NCOA2: variants seen among roughly 807,000 people sequenced by gnomAD.
The protein encoded by NCOA2 is nuclear receptor coactivator 2, also known as class E basic helix-loop-helix protein 75.
In NCOA2, 21 loss-of-function variants were observed where a neutral mutation model predicts 145.1. That is an observed-to-expected ratio of 0.14 (90% CI 0.10 to 0.21). NCOA2 has a LOEUF of 0.21. NCOA2 is among the 10% of genes least tolerant of loss of function. The pLI is 1.00. For synonymous variants in NCOA2, 619 were observed against 637.5 expected (o/e 0.97, Z 0.44); for missense variants, 1,472 against 1,837.6 (o/e 0.80, Z 3.64).
At position 70,156,676 on chromosome 8, in the gene NCOA2, T is replaced by C; in HGVS notation, c.1689A>G (p.Gln563=). ...GAGGATTCATATTAACTGGGGAGTT[T>C]TGCAAATTGCCCATTTTTAGGTCTG... ...ASPDLKMGNL[Q]NSPVNMNPPP... Residue 563 remains glutamine, a synonymous_variant, in exon 11 of 23, where the codon CAA becomes CAG. Coordinates refer to ENST00000452400, the MANE Select transcript of NCOA2 (RefSeq NM_006540.4). 1 of 1,613,986 alleles carries C rather than the reference T, an allele frequency of 6.2e-7. No individual in the cohort carries two copies. Among genetic ancestry groups the C allele is most frequent in the South Asian group, 1.1e-5 (1 of 91,084 alleles).
At chr8:70,124,360 G>GTT (rs562148942) in intron 20 of NCOA2, among the ~76,000 whole-genome samples, 11 of 143,520 alleles carry the variant, frequency 7.7e-5, no homozygotes, top group Non-Finnish European at 1.2e-4. Context: ...CTTTCTTTCT[G>GTT]TTTTTTTTTT....
chr8:70,120,594 G>A (rs1468757506), intron 22 of NCOA2, among the ~76,000 whole-genome samples: 3 of 152,098 alleles, frequency 2.0e-5, no homozygotes, highest in African/African-American at 7.2e-5. Context: ...GGTGGCATGT[G>A]CCTGTAATCC....
chr8:70,448,531 T>C, the NCOA2 span, among the ~76,000 whole-genome samples: 1 of 152,188 alleles, frequency 6.6e-6, no homozygotes, highest in Non-Finnish European at 1.5e-5. Flanking sequence ...GTGTGACAAT[T>C]GGCAAAGGTA....
At chr8:70,294,076 A>G (rs1826902296) in intron 2 of NCOA2, among the ~76,000 whole-genome samples, 1 of 152,162 alleles carries the variant, frequency 6.6e-6, no homozygotes, top group Non-Finnish European at 1.5e-5. Context: ...AAAATATAAT[A>G]ATTATATTTT....
chr8:70,283,645 C>T (rs1826039964), intron 2 of NCOA2, among the ~76,000 whole-genome samples: 1 of 152,152 alleles, frequency 6.6e-6, no homozygotes, highest in South Asian at 2.1e-4. Flanking sequence ...TTTATGTTGT[C>T]TACCTACCAT....
chr8:70,291,307 C>T (rs956963090), intron 2 of NCOA2, among the ~76,000 whole-genome samples: 3 of 152,190 alleles, frequency 2.0e-5, no homozygotes, highest in Admixed American at 1.3e-4. Context: ...CCTACCTCCT[C>T]TAAACATGCT....
chr8:70,285,929 C>A (rs974129399), intron 2 of NCOA2, among the ~76,000 whole-genome samples: 2 of 152,072 alleles, frequency 1.3e-5, no homozygotes, highest in African/African-American at 4.8e-5. Flanking sequence ...CCAGAACTAC[C>A]TACCTGACAA....
At chr8:70,381,486 T>C (rs1812188803) in intron 1 of NCOA2, among the ~76,000 whole-genome samples, 1 of 152,172 alleles carries the variant, frequency 6.6e-6, no homozygotes, top group African/African-American at 2.4e-5. Context: ...ATAAAAGTTA[T>C]TACAGGGAAC....
At chr8:70,237,426 CTTTT>C (rs59737946) in intron 2 of NCOA2, among the ~76,000 whole-genome samples, 1 of 142,344 alleles carries the variant, frequency 7.0e-6, no homozygotes, top group African/African-American at 2.6e-5. Flanking sequence ...CAGTATTTTC[CTTTT>C]TTTTTTTTTT....
chr8:70,424,883 G>T, the NCOA2 span, among the ~76,000 whole-genome samples: 1 of 152,102 alleles, frequency 6.6e-6, no homozygotes, highest in African/African-American at 2.4e-5. Context: ...CTAGCTCAAG[G>T]GCAGTTCAAA....
intron 14 of NCOA2, among the ~76,000 whole-genome samples, chr8:70,140,622 CAG>C (rs1488250950): frequency 9.7e-6 from 1 of 102,810 alleles, no homozygotes; most frequent in Non-Finnish European, 1.8e-5. Context: ...TTTTTTGAGA[CAG>C]AGTCTTGCTC....
chr8:70,213,591 C>T (rs1819276940), intron 4 of NCOA2, among the ~76,000 whole-genome samples: 2 of 152,170 alleles, frequency 1.3e-5, no homozygotes, highest in African/African-American at 4.8e-5. Flanking sequence ...TGGTCACTTG[C>T]TGTGTATGCC....
At chr8:70,247,309 T>A (rs1172669579) in intron 2 of NCOA2, among the ~76,000 whole-genome samples, 4 of 152,042 alleles carry the variant, frequency 2.6e-5, no homozygotes, top group Non-Finnish European at 5.9e-5. Context: ...ACATAAAAAA[T>A]TTAAAATACC....
the NCOA2 span, among the ~76,000 whole-genome samples, chr8:70,426,004 TC>T: frequency 6.6e-6 from 1 of 152,236 alleles, no homozygotes; most frequent in South Asian, 2.1e-4. Context: ...TGTCTTCATT[TC>T]CCTTAGCTCT....
chr8:70,365,189 T>A (rs72663983), intron 1 of NCOA2, among the ~76,000 whole-genome samples: 1 of 151,960 alleles, frequency 6.6e-6, no homozygotes, highest in African/African-American at 2.4e-5. Flanking sequence ...CAAAAATTAG[T>A]TGGGCATGGT....
At chr8:70,314,232 A>AT (rs1368692501) in intron 1 of NCOA2, among the ~76,000 whole-genome samples, 1 of 149,212 alleles carries the variant, frequency 6.7e-6, no homozygotes, top group African/African-American at 2.5e-5. Flanking sequence ...CCACAAATAA[A>AT]TGAGTAAGTC....
At chr8:70,186,519 A>G (rs763869306) in intron 4 of NCOA2, among the ~76,000 whole-genome samples, 2 of 152,194 alleles carry the variant, frequency 1.3e-5, no homozygotes, top group Non-Finnish European at 2.9e-5. Context: ...TTCTGCACTA[A>G]GATCATCAGG....
chr8:70,304,857 T>C (rs763337744), intron 1 of NCOA2, among the ~76,000 whole-genome samples: 11,739 of 97,014 alleles, frequency 0.12, 635 homozygotes, highest in Middle Eastern at 0.19. Flanking sequence ...AGTAACTAGC[T>C]TTTTTTTTTT....
intron 19 of NCOA2, 139 bp downstream of exon 19, chr8:70,126,674 A>G: frequency 1.3e-6 from 1 of 741,024 alleles, no homozygotes; most frequent in Non-Finnish European, 2.3e-6. Context: ...CTGTCCTCCC[A>G]GGTTTCCTAT....
Sources: gnomAD v4.1 joint callset for allele counts (sites outside exome capture counted in the v4.1 genomes callset) on GRCh38, gnomAD v4.1.1 for gene constraint, MANE v1.5 for transcripts, NCBI Gene and HGNC (gene_info 2026-07-23, HGNC 2026-07-21) for gene names.